The following STOM variants were observed in gnomAD, a reference collection of about 807,000 sequenced individuals.
STOM encodes the protein stomatin.
STOM carries 25 observed loss-of-function variants against 30.6 expected under a neutral mutation model. That is an observed-to-expected ratio of 0.82 (90% CI 0.60 to 1.14). The LOEUF is 1.14. Ranked by LOEUF, STOM falls within the 50% of genes most tolerant of loss-of-function variation. The probability of loss-of-function intolerance (pLI) is 0.00; values close to 1 mark genes in which losing one functional copy is unlikely to be tolerated. For missense variants in STOM, 292 were observed against 365.2 expected (o/e 0.80, Z 1.63); for synonymous variants, 118 against 130.8 (o/e 0.90, Z 0.67).
chr9:121,350,926 T>G (rs2064333352), intron 4 of STOM, among the ~76,000 whole-genome samples: 1 of 152,226 alleles, frequency 6.6e-6, no homozygotes, highest in Non-Finnish European at 1.5e-5. Flanking sequence ...CCATCTTGTA[T>G]GAAAACTAAT....
At chr9:121,354,414 G>T (rs1165145480) in intron 3 of STOM, among the ~76,000 whole-genome samples, 187 bp downstream of exon 3, 1 of 152,018 alleles carries the variant, frequency 6.6e-6, no homozygotes, top group Non-Finnish European at 1.5e-5. Context: ...TAGTGCTTTG[G>T]GAAGCTGGGG....
In STOM at chr9:121,367,652, T is replaced by G. The variant is rs148307276; in HGVS notation, c.61+2475A>C. 3.6e-3 allele frequency among the ~76,000 whole-genome samples: 552 copies of G among 152,352 alleles called. 2 individuals are homozygous for G. Among genetic ancestry groups the G allele is most frequent in the African/African-American group, 0.012 (514 of 41,590 alleles). On this transcript the variant is annotated intron_variant, in intron 1 of 6. Transcript: ENST00000286713. ...GCATCGCCTTTAAGAAAAACTAGTC[T>G]TGCCCTAGGCCTGGTGCTATTTACC...
intron 1 of STOM, chr9:121,369,873 C>T: frequency 2.1e-6 from 1 of 481,374 alleles, no homozygotes; most frequent in South Asian, 3.5e-5. Flanking sequence ...GGCTTGGCAT[C>T]TGGCGGCCGC....
chr9:121,348,105 C>T lies in STOM; in HGVS notation c.570G>A (p.Glu190=). The T allele has an allele frequency of 3.7e-6, 6 of 1,614,240 alleles. No homozygotes were observed. In the South Asian group the frequency reaches 6.6e-5, roughly 18 times the overall value. ...DATDAWGIKV[E]RVEIKDVKLP... ...GTTTCACATCCTTAATTTCCACACG[C>T]TCCACCTTTATTCCCCAGGCATCAG... Residue 190 remains glutamate (E), a synonymous_variant, in exon 6 of 7, where the codon GAG becomes GAA. Transcript: ENST00000286713.
Position 121,355,790 on chromosome 9 carries a change from A to G in STOM, c.165+263T>C, listed in dbSNP as rs1015818699. 2.0e-5 allele frequency among the ~76,000 whole-genome samples: 3 copies of G among 152,196 alleles called. No homozygotes were observed. In the East Asian group the frequency reaches 5.8e-4, roughly 29 times the overall value. On this transcript the variant is annotated intron_variant, in intron 2 of 6. Transcript: ENST00000286713. ...CTGAAGAACTTGTTCTCTCAGAACC[A>G]TCTCACATCCCTGGCCCCAGGAAAT...
chr9:121,344,149 A>G (rs1228896815), intron 6 of STOM, among the ~76,000 whole-genome samples: 1 of 152,220 alleles, frequency 6.6e-6, no homozygotes. Flanking sequence ...TCCAGCTTAT[A>G]GGATAAAAAC....
At chr9:121,346,182 G>A (rs2064287752) in intron 6 of STOM, among the ~76,000 whole-genome samples, 1 of 152,092 alleles carries the variant, frequency 6.6e-6, no homozygotes, top group Admixed American at 6.6e-5. Flanking sequence ...TAAGGACGGG[G>A]TTTCACCATG....
intron 6 of STOM, among the ~76,000 whole-genome samples, chr9:121,347,421 T>C (rs1055999462): frequency 1.3e-5 from 2 of 151,162 alleles, no homozygotes; most frequent in African/African-American, 4.9e-5. Context: ...AGGCAGATGA[T>C]GATGAAAAGA....
In STOM at chr9:121,354,483, G is replaced by A. The variant is rs1004009837; in HGVS notation, c.238+118C>T. ...TGCAGTGAGACATGAGCATGCCACT[G>A]TACTCCAGCCTGGGCGACGGAATGA... On this transcript the variant is annotated intron_variant, in intron 3 of 6. Transcript: ENST00000286713. 4.5e-5 allele frequency: 32 copies of A among 716,824 alleles called. No homozygotes were observed. In the South Asian group the frequency reaches 6.2e-4, roughly 14 times the overall value. The allele number at this position is 716,824 out of a possible 1,614,324, so 44.4% of individuals were successfully genotyped here. A position where few individuals can be genotyped will look rare whatever the true frequency, so the allele number is the denominator to read the frequency against.
chr9:121,353,196 T>A (rs974058698), intron 4 of STOM, 24 bp downstream of exon 4: 1 of 1,470,374 alleles, frequency 6.8e-7, no homozygotes, highest in Admixed American at 1.8e-5. Flanking sequence ...ATATGATACC[T>A]CAGTTATTCA....
chr9:121,366,086 C>A, intron 1 of STOM: 1 of 982,208 alleles, frequency 1.0e-6, no homozygotes. Context: ...ATAAATTCCA[C>A]TCTCATTTCA....
intron 6 of STOM, among the ~76,000 whole-genome samples, chr9:121,341,834 T>C (rs989646967): frequency 6.6e-6 from 1 of 152,252 alleles, no homozygotes; most frequent in African/African-American, 2.4e-5. Context: ...GACTGTGATA[T>C]GATTTTTTTA....
At chr9:121,349,970 T>C (rs181801362) in intron 4 of STOM, among the ~76,000 whole-genome samples, 11 of 152,364 alleles carry the variant, frequency 7.2e-5, no homozygotes, top group Admixed American at 7.2e-4. Flanking sequence ...AGTTTTCTCA[T>C]TTGTAAAGTA....
chr9:121,343,767 G>A (rs2064266542), intron 6 of STOM, among the ~76,000 whole-genome samples: 1 of 152,166 alleles, frequency 6.6e-6, no homozygotes, highest in Non-Finnish European at 1.5e-5. Context: ...GAGGGCCAGG[G>A]TGTTTGGTCT....
At chr9:121,343,352 T>G (rs549717036) in intron 6 of STOM, among the ~76,000 whole-genome samples, 1 of 152,254 alleles carries the variant, frequency 6.6e-6, no homozygotes, top group South Asian at 2.1e-4. Flanking sequence ...CAGCAAAATT[T>G]GGGGGCCTTC....
chr9:121,342,440 C>T (rs534952495), intron 6 of STOM, among the ~76,000 whole-genome samples: 1 of 151,148 alleles, frequency 6.6e-6, no homozygotes, highest in Non-Finnish European at 1.5e-5. Flanking sequence ...TTTTTAGTTA[C>T]AGGAAATTTT....
At chr9:121,344,277 C>T (rs977657103) in intron 6 of STOM, among the ~76,000 whole-genome samples, 1 of 152,176 alleles carries the variant, frequency 6.6e-6, no homozygotes, top group Non-Finnish European at 1.5e-5. Flanking sequence ...ACAGAGAATA[C>T]ATCAGAAATC....
Position 121,349,109 on chromosome 9 carries a change from G to A in STOM, c.525+11C>T, listed in dbSNP as rs779575651. ...GCTTCTGGGGGGTAACAGCATTGAC[G>A]TACTCCCCACCTGCATGTTGTGTGC... On this transcript the variant is annotated intron_variant, in intron 5 of 6. Transcript: ENST00000286713. 22 of 1,612,926 alleles carry A rather than the reference G, an allele frequency of 1.4e-5. No homozygotes were observed. The highest frequency in any genetic ancestry group is 1.6e-4 in the Middle Eastern group (1 of 6,080).
intron 4 of STOM, among the ~76,000 whole-genome samples, chr9:121,351,790 G>A (rs1223014045): frequency 6.6e-6 from 1 of 152,176 alleles, no homozygotes; most frequent in Non-Finnish European, 1.5e-5. Flanking sequence ...TAGGGATTCT[G>A]CCATGAGTTT....
Sources: gnomAD v4.1 joint callset for allele counts (sites outside exome capture counted in the v4.1 genomes callset) on GRCh38, gnomAD v4.1.1 for gene constraint, MANE v1.5 for transcripts, NCBI Gene and HGNC (gene_info 2026-07-23, HGNC 2026-07-21) for gene names.